The following PTPRM variants were observed in gnomAD, a reference collection of about 807,000 sequenced individuals.
The protein encoded by PTPRM is protein tyrosine phosphatase receptor type M.
A neutral mutation model predicts 186.7 loss-of-function variants in PTPRM; 47 were observed. The observed-to-expected ratio is 0.25, with a 90% CI of 0.20 to 0.32. The LOEUF (loss-of-function observed/expected upper bound fraction) is 0.32, where lower values mean the gene tolerates loss of function less well. Ranked by LOEUF, PTPRM falls within the 10% of genes least tolerant of loss-of-function variation. PTPRM has a pLI of 1.00. For synonymous variants in PTPRM, 668 were observed against 674.9 expected, an observed-to-expected ratio of 0.99 and a Z score of 0.16; for missense variants, 1,494 against 1,865.0, an observed-to-expected ratio of 0.80 and a Z score of 3.66.
At chr18:8,203,958 C>A (rs1416333539) in intron 14 of PTPRM, among the ~76,000 whole-genome samples, 1 of 152,132 alleles carries the variant, frequency 6.6e-6, no homozygotes, top group African/African-American at 2.4e-5. Context: ...GAAAATACAT[C>A]GTAACAGTAC....
At chr18:8,323,218 G>T (rs762413164) in intron 22 of PTPRM, among the ~76,000 whole-genome samples, 1 of 152,192 alleles carries the variant, frequency 6.6e-6, no homozygotes, top group Non-Finnish European at 1.5e-5. Context: ...AGTGCTGTGA[G>T]TGTGTTCTAG....
intron 1 of PTPRM, among the ~76,000 whole-genome samples, chr18:7,635,841 CAG>C (rs1245051879): frequency 5.3e-5 from 8 of 152,184 alleles, no homozygotes; most frequent in Admixed American, 1.3e-4. Flanking sequence ...ACTAAATTAA[CAG>C]GGGATATATT....
intron 14 of PTPRM, among the ~76,000 whole-genome samples, chr18:8,196,593 T>C (rs1316118231): frequency 6.6e-6 from 1 of 152,168 alleles, no homozygotes; most frequent in Non-Finnish European, 1.5e-5. Flanking sequence ...AAACACTCAT[T>C]TTAGCTGGCT....
intron 1 of PTPRM, among the ~76,000 whole-genome samples, chr18:7,746,556 C>T (rs959876001): frequency 2.6e-5 from 4 of 152,044 alleles, no homozygotes; most frequent in Non-Finnish European, 4.4e-5. Flanking sequence ...ACCTCTGCCT[C>T]CCAGGTTCAA....
chr18:7,942,075 G>A (rs928899145), intron 5 of PTPRM, among the ~76,000 whole-genome samples: 4 of 152,172 alleles, frequency 2.6e-5, no homozygotes, highest in South Asian at 2.1e-4. Flanking sequence ...ACAAGTTCAG[G>A]ATTTCGAGAC....
At chr18:7,930,130 A>G (rs2051394561) in intron 5 of PTPRM, among the ~76,000 whole-genome samples, 1 of 152,028 alleles carries the variant, frequency 6.6e-6, no homozygotes, top group Non-Finnish European at 1.5e-5. Flanking sequence ...GTGCAGTGGC[A>G]TGATCTCGGC....
intron 2 of PTPRM, among the ~76,000 whole-genome samples, chr18:7,872,393 T>C (rs993007208): frequency 1.3e-5 from 2 of 152,226 alleles, no homozygotes; most frequent in African/African-American, 4.8e-5. Flanking sequence ...CATGTTATTA[T>C]AAAATTATAT....
At chr18:7,669,481 C>G (rs371923347) in intron 1 of PTPRM, among the ~76,000 whole-genome samples, 1 of 152,104 alleles carries the variant, frequency 6.6e-6, no homozygotes, top group African/African-American at 2.4e-5. Flanking sequence ...TGCCATAGCT[C>G]AGCTGATTTA....
At chr18:8,006,810 C>A (rs1218493521) in intron 7 of PTPRM, among the ~76,000 whole-genome samples, 1 of 152,212 alleles carries the variant, frequency 6.6e-6, no homozygotes, top group Non-Finnish European at 1.5e-5. Flanking sequence ...AAAGTGGCCG[C>A]TTGTTGCATC....
At chr18:7,688,751 C>T (rs1007940992) in intron 1 of PTPRM, among the ~76,000 whole-genome samples, 8 of 152,136 alleles carry the variant, frequency 5.3e-5, no homozygotes, top group African/African-American at 1.7e-4. Flanking sequence ...ACATCCAGCA[C>T]GGTTGGTTGT....
chr18:7,978,480 A>G (rs943651190), intron 7 of PTPRM, among the ~76,000 whole-genome samples: 36 of 152,230 alleles, frequency 2.4e-4, no homozygotes, highest in African/African-American at 8.7e-4. Context: ...TTGACCATTA[A>G]ATATGCCTCG....
intron 7 of PTPRM, among the ~76,000 whole-genome samples, chr18:7,964,896 A>G (rs1443618): frequency 0.29 from 44,673 of 152,054 alleles, 7,054 homozygotes; most frequent in African/African-American, 0.4. Context: ...TGGCAAAAAA[A>G]TAGAATAACT....
chr18:7,825,386 G>C (rs916182877), intron 2 of PTPRM, among the ~76,000 whole-genome samples: 3 of 152,086 alleles, frequency 2.0e-5, no homozygotes, highest in African/African-American at 7.2e-5. Flanking sequence ...TTGCATAGGA[G>C]TACCATGAAA....
At chr18:8,355,641 TA>T in intron 23 of PTPRM, among the ~76,000 whole-genome samples, 1 of 152,150 alleles carries the variant, frequency 6.6e-6, no homozygotes, top group Middle Eastern at 3.2e-3. Context: ...GCATCTGACT[TA>T]ACAAGGAAAA....
intron 2 of PTPRM, among the ~76,000 whole-genome samples, chr18:7,838,948 C>G (rs2046193540): frequency 6.6e-6 from 1 of 152,202 alleles, no homozygotes; most frequent in Admixed American, 6.5e-5. Context: ...ATCGCCACAG[C>G]CACCATGGGC....
chr18:8,211,153 G>A (rs1162925389), intron 14 of PTPRM, among the ~76,000 whole-genome samples: 3 of 152,084 alleles, frequency 2.0e-5, no homozygotes, highest in South Asian at 2.1e-4. Context: ...TTGGGCTATC[G>A]AAAGCATCAG....
intron 1 of PTPRM, among the ~76,000 whole-genome samples, chr18:7,661,699 T>G (rs942925403): frequency 1.3e-5 from 2 of 152,220 alleles, no homozygotes. Flanking sequence ...ATGCAACTCC[T>G]GCCACATGCA....
intron 1 of PTPRM, among the ~76,000 whole-genome samples, chr18:7,645,605 A>C (rs2038542542): frequency 6.6e-6 from 1 of 152,198 alleles, no homozygotes; most frequent in Non-Finnish European, 1.5e-5. Flanking sequence ...CAGAAGCAAT[A>C]TATGTGTGAG....
At chr18:8,327,840 T>C in intron 22 of PTPRM, among the ~76,000 whole-genome samples, 1 of 152,208 alleles carries the variant, frequency 6.6e-6, no homozygotes. Flanking sequence ...CCTGACCCTG[T>C]TTGTGTAACC....
Sources: gnomAD v4.1 joint callset for allele counts (sites outside exome capture counted in the v4.1 genomes callset) on GRCh38, gnomAD v4.1.1 for gene constraint, MANE v1.5 for transcripts, NCBI Gene and HGNC (gene_info 2026-07-23, HGNC 2026-07-21) for gene names.